ABCA5: variants seen among roughly 807,000 people sequenced by gnomAD.
The protein encoded by ABCA5 is cholesterol transporter ABCA5.
ABCA5 carries 163 observed loss-of-function variants against 206.0 expected under a neutral mutation model. The observed-to-expected ratio is 0.79, with a 90% CI of 0.70 to 0.90. ABCA5 has a LOEUF of 0.90. Among genes scored for constraint, ABCA5 ranks in the 40% least tolerant of loss-of-function variants. The probability of loss-of-function intolerance (pLI) is 0.00; values close to 1 mark genes in which losing one functional copy is unlikely to be tolerated. For missense variants in ABCA5, 1,859 were observed against 1,912.9 expected (o/e 0.97, Z 0.53); for synonymous variants, 609 against 613.8 (o/e 0.99, Z 0.11).
At chr17:69,302,038 T>C (rs139191242) in intron 8 of ABCA5, among the ~76,000 whole-genome samples, 14 of 152,280 alleles carry the variant, frequency 9.2e-5, no homozygotes, top group African/African-American at 3.4e-4. Context: ...GTAAAATGAT[T>C]AACTCAATAT....
intron 11 of ABCA5, among the ~76,000 whole-genome samples, chr17:69,292,029 A>T: frequency 6.6e-6 from 1 of 152,116 alleles, no homozygotes; most frequent in Non-Finnish European, 1.5e-5. Context: ...GAATCACCTG[A>T]GCTTGGGAAG....
chr17:69,260,533 T>G (rs937152733), intron 26 of ABCA5, 121 bp from the exon 27 acceptor site: 1 of 645,282 alleles, frequency 1.5e-6, no homozygotes, highest in South Asian at 2.3e-5. Flanking sequence ...CTGTTCATAT[T>G]AGTAAGTTAT....
rs2075666177 is a variant in ABCA5 at position 69,302,806 on chromosome 17, A to T, written c.1031T>A (p.Met344Lys). The change falls in exon 8 of 39, where the codon ATG becomes AAG. Residue 344 changes from methionine to lysine, a missense_variant. Transcript: ENST00000392676. Reference protein sequence around the residue: ...VTVAFGFIGLMIILIESFPKS... With the variant: ...VTVAFGFIGLKIILIESFPKS... ...GGGAAAACTTTCTATGAGGATTATC[A>T]TAAGGCCAATAAATCCAAAAGCCAC... 1 of 1,600,476 alleles carries T rather than the reference A, an allele frequency of 6.2e-7. No homozygotes were observed. Among genetic ancestry groups the T allele is most frequent in the East Asian group, 2.2e-5 (1 of 44,492 alleles).
intron 22 of ABCA5, 42 bp downstream of exon 22, chr17:69,270,571 T>A (rs1393137124): frequency 6.6e-7 from 1 of 1,507,596 alleles, no homozygotes. Context: ...ATTATATATA[T>A]GACATGCATA....
chr17:69,280,808 C>G (rs927898195), intron 18 of ABCA5, among the ~76,000 whole-genome samples: 40 of 152,042 alleles, frequency 2.6e-4, no homozygotes, highest in African/African-American at 9.2e-4. Flanking sequence ...ACCGCATATT[C>G]TCACTCATAG....
chr17:69,262,772 T>C (rs1275875718), intron 24 of ABCA5, among the ~76,000 whole-genome samples: 2 of 150,566 alleles, frequency 1.3e-5, no homozygotes, highest in Non-Finnish European at 3.0e-5. Context: ...AGTTATAAGG[T>C]AGTTCTGTTT....
Position 69,251,821 on chromosome 17 carries a change from A to C in ABCA5, c.4461T>G (p.Ile1487Met). ...CCTCCTCCATATAGTGAGTGGTCAGAATAGCAGCCCGCTTTCTGTTTTTAA... is the reference window on the plus strand; with the variant it reads ...CCTCCTCCATATAGTGAGTGGTCAGCATAGCAGCCCGCTTTCTGTTTTTAA... ...TAFKNRKRAAILTTHYMEEAE... is the reference protein window; with the variant it reads ...TAFKNRKRAAMLTTHYMEEAE... Residue 1487 changes from isoleucine to methionine, a missense_variant, in exon 35 of 39, where the codon ATT becomes ATG. By Grantham distance (10) the Ile-to-Met change is conservative (BLOSUM62 1). Coordinates refer to ENST00000392676, the MANE Select transcript of ABCA5 (RefSeq NM_172232.4). 6.2e-7 allele frequency: 1 copy of C among 1,614,002 alleles called. No homozygotes were observed. Among genetic ancestry groups the C allele is most frequent in the Non-Finnish European group, 8.5e-7 (1 of 1,179,972 alleles).
In ABCA5 at chr17:69,323,706, C is replaced by T. The variant is rs2075880746; in HGVS notation, c.-16+3346G>A. On this transcript the variant is annotated intron_variant, in intron 1 of 38. Transcript: ENST00000392676. ...CTTATTTATCTTTGTTTCTCCACCACCAATGGAAATATTAAACCCAGTATC... is the reference window on the plus strand; with the variant it reads ...CTTATTTATCTTTGTTTCTCCACCATCAATGGAAATATTAAACCCAGTATC... 2.0e-5 allele frequency among the ~76,000 whole-genome samples: 3 copies of T among 152,216 alleles called. No individual in the cohort carries two copies. In the South Asian group the frequency reaches 6.2e-4, roughly 32 times the overall value.
intron 3 of ABCA5, among the ~76,000 whole-genome samples, chr17:69,312,053 T>G (rs914227647): frequency 4.2e-4 from 64 of 152,188 alleles, no homozygotes; most frequent in African/African-American, 1.4e-3. Context: ...TTCAATGACA[T>G]AAAATCCAAT....
chr17:69,306,365 C>T (rs1010146959), intron 6 of ABCA5, among the ~76,000 whole-genome samples: 2 of 152,020 alleles, frequency 1.3e-5, no homozygotes, highest in African/African-American at 4.8e-5. Flanking sequence ...CAATTAATTT[C>T]TAATGTTCCA....
chr17:69,293,861 TGTGTGTGTGTGC>T lies in ABCA5; in HGVS notation c.1495+782_1495+793del, dbSNP rs1489066036. Among the ~76,000 whole-genome samples the T allele has an allele frequency of 3.3e-3, 369 of 110,698 alleles. 2 individuals are homozygous for T. Among genetic ancestry groups the T allele is most frequent in the South Asian group, 4.8e-3 (16 of 3,312 alleles). 72.6% of individuals were successfully genotyped at this position (110,698 alleles called of 152,430 possible). The stretch of plus-strand genomic sequence containing the variant: ...GTGTGTGTGTGTGTGTGTGTGTGTG[TGTGTGTGTGTGC>T]GTGTGTGTGTGTTTGTGTGTGTGTG... On this transcript the variant is annotated intron_variant, in intron 11 of 38. Coordinates refer to ENST00000392676, the MANE Select transcript of ABCA5 (RefSeq NM_172232.4).
At chr17:69,318,109 T>C (rs943829385) in intron 1 of ABCA5, among the ~76,000 whole-genome samples, 2 of 104,022 alleles carry the variant, frequency 1.9e-5, no homozygotes, top group Non-Finnish European at 4.2e-5. Flanking sequence ...TAAAGAAAAC[T>C]CACAATTTTT....
intron 5 of ABCA5, among the ~76,000 whole-genome samples, 159 bp from the exon 6 acceptor site, chr17:69,307,113 A>G (rs1051844572): frequency 7.9e-5 from 12 of 152,114 alleles, no homozygotes; most frequent in African/African-American, 9.6e-5. Context: ...CCCCAATATC[A>G]TAATTCTGAG....
intron 11 of ABCA5, among the ~76,000 whole-genome samples, chr17:69,292,249 C>T (rs2075536080): frequency 6.6e-6 from 1 of 152,074 alleles, no homozygotes. Context: ...AGTGTTCTGC[C>T]CCATGAACGT....
At chr17:69,283,063 T>G (rs987119983) in intron 18 of ABCA5, among the ~76,000 whole-genome samples, 1 of 147,524 alleles carries the variant, frequency 6.8e-6, no homozygotes, top group African/African-American at 2.5e-5. Context: ...CATGGCTCAC[T>G]GCAGCCTTGA....
chr17:69,263,064 G>A (rs1006845604), intron 24 of ABCA5, among the ~76,000 whole-genome samples: 3 of 151,954 alleles, frequency 2.0e-5, no homozygotes, highest in African/African-American at 4.8e-5. Context: ...CATATCTTTT[G>A]CCCACTTTTT....
Position 69,302,923 on chromosome 17 carries a change from T to A in ABCA5, c.931-17A>T, listed in dbSNP as rs2075667613. 2.2e-6 allele frequency: 3 copies of A among 1,391,848 alleles called. No individual in the cohort carries two copies. Among genetic ancestry groups the A allele is most frequent in the African/African-American group, 2.9e-5 (2 of 67,810 alleles). The allele number at this position is 1,391,848 out of a possible 1,614,324, so 86.2% of individuals were successfully genotyped here. The stretch of plus-strand genomic sequence containing the variant: ...AAAAAATACCTATAAAATACAAATA[T>A]TAAGGTTAGTGCAATGTTCATATAT... On this transcript the variant is annotated splice_polypyrimidine_tract_variant and intron_variant, in intron 7 of 38. Transcript: ENST00000392676.
At chr17:69,266,377 G>T (rs1426041944) in intron 23 of ABCA5, among the ~76,000 whole-genome samples, 4 of 151,836 alleles carry the variant, frequency 2.6e-5, no homozygotes, top group African/African-American at 9.7e-5. Context: ...TGTTATTATT[G>T]GGACAAAATG....
intron 15 of ABCA5, among the ~76,000 whole-genome samples, chr17:69,286,975 T>C (rs555054347): frequency 6.6e-6 from 1 of 152,288 alleles, no homozygotes; most frequent in Admixed American, 6.5e-5. Context: ...AGGTTGGCCC[T>C]TGGCTGTTAG....
Sources: allele counts gnomAD v4.1 joint callset (sites outside exome capture counted in the v4.1 genomes callset), GRCh38; gene constraint gnomAD v4.1.1; transcripts MANE v1.5; gene names NCBI Gene and HGNC (gene_info 2026-07-23, HGNC 2026-07-21).